Variants in DNAH8 observed in about 807,000 individuals in gnomAD.
DNAH8 encodes the protein axonemal beta dynein heavy chain 8.
Under a neutral mutation model 562.1 loss-of-function variants are expected in DNAH8, and 382 were observed. That is an observed-to-expected ratio of 0.68 (90% CI 0.63 to 0.74). The LOEUF (loss-of-function observed/expected upper bound fraction) is 0.74, where lower values mean the gene tolerates loss of function less well. DNAH8 is among the 30% of genes least tolerant of loss of function. DNAH8 has a pLI of 0.00. For missense variants in DNAH8, 5,203 were observed against 5,620.4 expected, an observed-to-expected ratio of 0.93 and a Z score of 2.37; for synonymous variants, 1,881 against 1,919.4, an observed-to-expected ratio of 0.98 and a Z score of 0.52.
intron 47 of DNAH8, 150 bp from the exon 48 acceptor site, chr6:38,867,912 A>T: frequency 1.5e-6 from 1 of 667,080 alleles, no homozygotes; most frequent in Non-Finnish European, 2.5e-6. Context: ...AAGGAAAGGC[A>T]GGAAGTTGAG....
In DNAH8 at chr6:38,873,270, C is replaced by T. The variant is rs767000530; in HGVS notation, c.7514C>T (p.Ala2505Val). The T allele has an allele frequency of 6.2e-7, 1 of 1,613,564 alleles. No individual in the cohort carries two copies. Among genetic ancestry groups the T allele is most frequent in the Non-Finnish European group, 8.5e-7 (1 of 1,179,860 alleles). ...AAGAAACGCACTGCACAGGAAGCTGCTGTATTCCTGACACTGTATGAGAAA... is the reference window on the plus strand; with the variant it reads ...AAGAAACGCACTGCACAGGAAGCTGTTGTATTCCTGACACTGTATGAGAAA... ...WLKKRTAQEA[A>V]VFLTLYEKVF... Residue 2505 changes from alanine to valine, a missense_variant, in exon 52 of 93, where the codon GCT becomes GTT. This residue lies in a region of DNAH8 where 977 missense variants were observed against 1,061.8 expected (regional missense o/e 0.92). Coordinates refer to ENST00000327475, the MANE Select transcript of DNAH8 (RefSeq NM_001206927.2).
chr6:38,780,835 C>G (rs1022566863), intron 15 of DNAH8, among the ~76,000 whole-genome samples: 3 of 151,900 alleles, frequency 2.0e-5, no homozygotes, highest in Non-Finnish European at 4.4e-5. Flanking sequence ...TAACCCTGAA[C>G]TTAAAATAAA....
At chr6:38,742,976 T>C (rs1393895229) in intron 8 of DNAH8, among the ~76,000 whole-genome samples, 1 of 148,238 alleles carries the variant, frequency 6.7e-6, no homozygotes, top group Non-Finnish European at 1.5e-5. Flanking sequence ...GCTTGAGCGG[T>C]ATGGTTTTCC....
chr6:38,746,282 T>A (rs144475957), intron 8 of DNAH8, among the ~76,000 whole-genome samples: 1,616 of 152,326 alleles, frequency 0.011, 14 homozygotes, highest in Non-Finnish European at 0.015. Context: ...GTTTCCTCTT[T>A]GGCCATCGGG....
At chr6:38,859,869 A>G (rs528848920) in intron 42 of DNAH8, among the ~76,000 whole-genome samples, 2 of 152,236 alleles carry the variant, frequency 1.3e-5, no homozygotes, top group African/African-American at 4.8e-5. Flanking sequence ...GTGGCTTCCG[A>G]CTGCTATGAA....
In DNAH8 at chr6:38,951,364, G is replaced by T; in HGVS notation, c.12295G>T (p.Ala4099Ser). Residue 4099 changes from alanine to serine, a missense_variant, in exon 82 of 93, where the codon GCA (alanine) becomes TCA (serine). Ala to Ser is a moderately conservative substitution (Grantham distance 99). Around this residue, in one of 6 missense-constraint regions of DNAH8, gnomAD observed 1,399 missense variants for 1,518.4 expected, o/e 0.92. Coordinates refer to ENST00000327475, the MANE Select transcript of DNAH8 (RefSeq NM_001206927.2). ...RTVFQARKYI[A>S]DSLEEKYTEP... ...TGTTTTTCAAGCAAGAAAGTATATT[G>T]CAGATTCTTTGGAGGAGAAGTACAC... 1 of 1,614,132 alleles carries T rather than the reference G, an allele frequency of 6.2e-7. No homozygotes were observed. The highest frequency in any genetic ancestry group is 8.5e-7 in the Non-Finnish European group (1 of 1,180,028).
chr6:38,915,467 G>T, intron 68 of DNAH8, 90 bp downstream of exon 68: 1 of 1,069,294 alleles, frequency 9.4e-7, no homozygotes, highest in African/African-American at 1.7e-5. Flanking sequence ...AAACTGAATT[G>T]AATTCTTAAT....
Position 38,734,474 on chromosome 6 carries a change from A to G in DNAH8, c.611A>G (p.Glu204Gly). ...LYQEGDVPGI[E>G]CGRTIAGATK... ...CTAAGTTCTTGACTTTTGTTTTCAG[A>G]ATGTGGTCGAACTATTGCTGGAGCA... is the stretch of plus-strand genomic sequence containing the variant. Residue 204 changes from glutamate to glycine, a missense_variant and splice_region_variant, in exon 5 of 93, where the codon GAA becomes GGA. Glu to Gly is a moderately conservative substitution (Grantham distance 98). Coordinates refer to ENST00000327475, the MANE Select transcript of DNAH8 (RefSeq NM_001206927.2). The G allele has an allele frequency of 6.2e-7, 1 of 1,613,584 alleles. No individual in the cohort carries two copies. Among genetic ancestry groups the G allele is most frequent in the Admixed American group, 1.7e-5 (1 of 59,922 alleles).
intron 31 of DNAH8, among the ~76,000 whole-genome samples, chr6:38,832,963 G>C (rs1773966805): frequency 6.6e-6 from 1 of 151,966 alleles, no homozygotes; most frequent in Admixed American, 6.6e-5. Flanking sequence ...GTTGTTGGAA[G>C]GCCGTGAGAA....
chr6:39,028,521 T>C (rs1350319611), intron 92 of DNAH8, among the ~76,000 whole-genome samples: 1 of 152,240 alleles, frequency 6.6e-6, no homozygotes, highest in Non-Finnish European at 1.5e-5. Flanking sequence ...CCTCTTCTTA[T>C]AAAGTTACCA....
chr6:38,844,397 A>G (rs1775108736), intron 35 of DNAH8, among the ~76,000 whole-genome samples: 1 of 152,224 alleles, frequency 6.6e-6, no homozygotes, highest in Non-Finnish European at 1.5e-5. Flanking sequence ...CCATGTGACC[A>G]GAAATCTCCC....
At chr6:38,900,643 A>G (rs534159119) in intron 62 of DNAH8, among the ~76,000 whole-genome samples, 1 of 149,250 alleles carries the variant, frequency 6.7e-6, no homozygotes, top group South Asian at 2.1e-4. Context: ...TTTGAAATGT[A>G]GTCTTGCTCT....
intron 62 of DNAH8, among the ~76,000 whole-genome samples, chr6:38,905,472 G>A (rs1780382528): frequency 6.6e-6 from 1 of 152,026 alleles, no homozygotes; most frequent in South Asian, 2.1e-4. Flanking sequence ...TTTGTATCTA[G>A]CCACTTAATG....
At chr6:38,821,026 G>T (rs1738215) in intron 26 of DNAH8, among the ~76,000 whole-genome samples, 74,413 of 151,804 alleles carry the variant, frequency 0.49, 19,150 homozygotes, top group East Asian at 0.7. Flanking sequence ...ATACACAGAT[G>T]GGAAGGGAAA....
Position 38,791,637 on chromosome 6 carries a change from G to A in DNAH8, c.2864G>A (p.Gly955Asp), listed in dbSNP as rs1419078544. Residue 955 changes from glycine to aspartate, a missense_variant, in exon 21 of 93, where the codon GGT becomes GAT. Coordinates refer to ENST00000327475, the MANE Select transcript of DNAH8 (RefSeq NM_001206927.2). ...GTGTTGATTTCTCTGCCTGAAAGTG[G>A]TGCTACCAAAGTAGAAGATATGTTG... Reference protein sequence around the residue: ...KTVLISLPESGATKVEDMLTL... With the variant: ...KTVLISLPESDATKVEDMLTL... The A allele has an allele frequency of 6.2e-7, 1 of 1,613,982 alleles. No individual in the cohort carries two copies. Among genetic ancestry groups the A allele is most frequent in the East Asian group, 2.2e-5 (1 of 44,846 alleles).
intron 74 of DNAH8, among the ~76,000 whole-genome samples, chr6:38,927,728 G>A (rs1233694532): frequency 6.6e-6 from 1 of 152,068 alleles, no homozygotes; most frequent in Non-Finnish European, 1.5e-5. Context: ...GTATCACTTG[G>A]ACATGAATGC....
intron 33 of DNAH8, among the ~76,000 whole-genome samples, chr6:38,841,742 G>A (rs532188495): frequency 6.6e-6 from 1 of 151,546 alleles, no homozygotes; most frequent in Non-Finnish European, 1.5e-5. Flanking sequence ...TTTTTGGATA[G>A]GATCTTGTTC....
intron 8 of DNAH8, among the ~76,000 whole-genome samples, chr6:38,747,995 T>C (rs1378042099): frequency 1.3e-5 from 2 of 152,270 alleles, no homozygotes; most frequent in Non-Finnish European, 2.9e-5. Context: ...CTGTATCATA[T>C]TCTGTTGCAT....
At chr6:38,798,925 T>C (rs933482873) in intron 21 of DNAH8, among the ~76,000 whole-genome samples, 1 of 152,122 alleles carries the variant, frequency 6.6e-6, no homozygotes. Flanking sequence ...TGAAGCCATG[T>C]GGCAGGGCTC....
Sources: allele counts gnomAD v4.1 joint callset (sites outside exome capture counted in the v4.1 genomes callset), GRCh38; gene constraint gnomAD v4.1.1; regional missense constraint gnomAD v4.1.1; transcripts MANE v1.5; gene names NCBI Gene and HGNC (gene_info 2026-07-23, HGNC 2026-07-21).